CORO7: variants seen among roughly 807,000 people sequenced by gnomAD.
CORO7 encodes the protein coronin-7.
In CORO7, 107 loss-of-function variants were observed where a neutral mutation model predicts 126.6. That is an observed-to-expected ratio of 0.85 (90% confidence interval 0.72 to 0.99). The LOEUF is 0.99. Ranked by LOEUF, CORO7 falls within the 50% of genes least tolerant of loss-of-function variation. CORO7 has a pLI of 0.00. For synonymous variants in CORO7, 603 were observed against 536.8 expected (o/e 1.12, Z -1.70); for missense variants, 1,314 against 1,255.8 (o/e 1.05, Z -0.70).
At chr16:4,407,212 T>G (rs904528788) in intron 5 of CORO7, among the ~76,000 whole-genome samples, 1 of 150,012 alleles carries the variant, frequency 6.7e-6, no homozygotes, top group African/African-American at 2.5e-5. Context: ...CCTCCCAGAG[T>G]GTTGGGATTA....
intron 7 of CORO7, among the ~76,000 whole-genome samples, chr16:4,394,548 C>G (rs1042612854): frequency 3.9e-5 from 6 of 152,250 alleles, no homozygotes; most frequent in Non-Finnish European, 7.3e-5. Context: ...TCAGACAAGC[C>G]CGTCCTCCTT....
chr16:4,383,226 C>G (rs1260540808), intron 9 of CORO7: 1 of 322,294 alleles, frequency 3.1e-6, no homozygotes, highest in African/African-American at 2.1e-5. Context: ...TGGGCTCTCC[C>G]ACTCCAGGCG....
At position 4,361,264 on chromosome 16, in the gene CORO7, AG is replaced by A; in HGVS notation, c.1688-17del. On this transcript the variant is annotated splice_polypyrimidine_tract_variant and intron_variant, in intron 17 of 27. Transcript: ENST00000251166. The stretch of plus-strand genomic sequence containing the variant: ...TCCTCACCAGCTGCAGAGGACAGAC[AG>A]GGGCTCATCATTGCTGAGCCCAAGA... 1 of 1,612,394 alleles carries A rather than the reference AG, an allele frequency of 6.2e-7. No homozygotes were observed. Among genetic ancestry groups the A allele is most frequent in the African/African-American group, 1.3e-5 (1 of 75,056 alleles).
At position 4,364,962 on chromosome 16, in the gene CORO7, G is replaced by A. The variant is rs572826001; in HGVS notation, c.898+41C>T. 5.0e-6 allele frequency: 8 copies of A among 1,605,978 alleles called. No homozygotes were observed. The South Asian group carries it at 8.9e-5, about 18-fold the overall frequency. The stretch of plus-strand genomic sequence containing the variant: ...AGGGGAACAGGCAGGATGGGCAGGG[G>A]AGGGGAGGGTAGGGGATGGGGGCGA... On this transcript the variant is annotated intron_variant, in intron 11 of 27. Transcript: ENST00000251166.
Position 4,386,301 on chromosome 16 carries a change from A to G in CORO7, c.785+1685T>C, listed in dbSNP as rs563346631. On this transcript the variant is annotated intron_variant, in intron 9 of 27. Transcript: ENST00000251166. ...AGTGGCACCGTGAGGTCTGGGCATC[A>G]TTAACTCCTCCAGAGGCCACACTGG... Among the ~76,000 whole-genome samples, 116 of 152,330 alleles carry G rather than the reference A, an allele frequency of 7.6e-4. 1 individual carries two copies. The highest frequency in any genetic ancestry group is 2.7e-3 in the African/African-American group (113 of 41,586).
chr16:4,412,587 TG>T, intron 2 of CORO7, 157 bp from the exon 3 acceptor site: 1 of 712,730 alleles, frequency 1.4e-6, no homozygotes, highest in Non-Finnish European at 2.3e-6. Flanking sequence ...AGCAATGGCC[TG>T]TGGGTAGGTT....
chr16:4,388,617 A>T lies in CORO7; in HGVS notation c.630T>A (p.His210Gln), dbSNP rs765184965. 1.2e-6 allele frequency: 2 copies of T among 1,612,044 alleles called. No individual in the cohort carries two copies. The highest frequency in any genetic ancestry group is 4.5e-5 in the East Asian group (2 of 44,818). The change falls in exon 8 of 28, where the codon CAT becomes CAA. Residue 210 changes from histidine (H) to glutamine (Q), a missense_variant. By Grantham distance (24) the His-to-Gln change is conservative. Coordinates refer to ENST00000251166, the MANE Select transcript of CORO7 (RefSeq NM_024535.5). Reference sequence around the variant, plus strand: ...CCAGCCGGCTATCCCTGCTGTTCTCATGGGCCTGCGTGCTCTGCAGGAGGC... The same window carrying T: ...CCAGCCGGCTATCCCTGCTGTTCTCTTGGGCCTGCGTGCTCTGCAGGAGGC... ...KPRASQSTQA[H>Q]ENSRDSRLAW...
intron 3 of CORO7, among the ~76,000 whole-genome samples, chr16:4,409,283 A>G (rs1393799426): frequency 6.6e-6 from 1 of 152,246 alleles, no homozygotes; most frequent in African/African-American, 2.4e-5. Flanking sequence ...CTGGAATCCC[A>G]GCTGGCAGGA....
chr16:4,375,131 C>T (rs900294781), intron 9 of CORO7, among the ~76,000 whole-genome samples: 3 of 152,214 alleles, frequency 2.0e-5, no homozygotes, highest in Admixed American at 6.5e-5. Context: ...CGTCCCACCG[C>T]CCCAGGGGCT....
In CORO7 at chr16:4,355,024, T is replaced by C; in HGVS notation, c.*134A>G. The stretch of plus-strand genomic sequence containing the variant: ...GCCAGAGGCCCAGAGGATGTGGAAG[T>C]GCCCACGGGAAGGCAGGAGTGCAGG... On this transcript the variant is annotated 3_prime_UTR_variant, in exon 28 of 28. Transcript: ENST00000251166. 1.0e-6 allele frequency: 1 copy of C among 980,818 alleles called. No homozygotes were observed. Among genetic ancestry groups the C allele is most frequent in the Non-Finnish European group, 1.4e-6 (1 of 699,870 alleles). 60.8% of individuals were successfully genotyped at this position (980,818 alleles called of 1,614,324 possible). A position where few individuals can be genotyped will look rare whatever the true frequency, so the allele number is the denominator to read the frequency against.
intron 9 of CORO7, chr16:4,381,330 G>A: frequency 6.2e-7 from 1 of 1,610,356 alleles, no homozygotes; most frequent in Non-Finnish European, 8.5e-7. Context: ...ACCGCCTCCT[G>A]GAGCTCAAGC....
chr16:4,370,591 G>A (rs550321686), intron 9 of CORO7, among the ~76,000 whole-genome samples: 1 of 152,346 alleles, frequency 6.6e-6, no homozygotes, highest in Non-Finnish European at 1.5e-5. Flanking sequence ...CATGTAGACC[G>A]AGAAACGTAT....
rs544742615 is a variant in CORO7, at chr16:4,402,482, A to T, written c.564+3009T>A. On this transcript the variant is annotated intron_variant, in intron 6 of 27. Transcript: ENST00000251166. ...GGCTGATCTTGAACTCCTGGGCTCA[A>T]GTGATCCTCCCACCTCGTCCTCCCA... Among the ~76,000 whole-genome samples, 31 of 151,970 alleles carry T rather than the reference A, an allele frequency of 2.0e-4. No homozygotes were observed. In the South Asian group the frequency reaches 6.2e-3, roughly 31 times the overall value.
Position 4,358,360 on chromosome 16 carries a change from C to A in CORO7, c.2457+7G>T, listed in dbSNP as rs755206366. ...TGGGCATGGGAGTCCCAGGTCCCCA[C>A]CCTCACCCGGACTCGGGGCAGCCGG... On this transcript the variant is annotated splice_region_variant and intron_variant, in intron 24 of 27. Transcript: ENST00000251166. 37 of 1,612,080 alleles carry A rather than the reference C, an allele frequency of 2.3e-5. No individual in the cohort carries two copies. Among genetic ancestry groups the A allele is most frequent in the Non-Finnish European group, 3.1e-5 (36 of 1,179,534 alleles).
chr16:4,382,203 G>A, intron 9 of CORO7: 1 of 1,602,938 alleles, frequency 6.2e-7, no homozygotes. Flanking sequence ...TGTACTGTGA[G>A]AGCCAGATGG....
intron 3 of CORO7, among the ~76,000 whole-genome samples, chr16:4,410,053 C>T (rs1455114784): frequency 6.6e-6 from 1 of 152,146 alleles, no homozygotes; most frequent in Non-Finnish European, 1.5e-5. Context: ...ACTTGAAGAG[C>T]CCTAGTAGCA....
intron 5 of CORO7, among the ~76,000 whole-genome samples, chr16:4,405,800 T>C (rs533835001): frequency 3.3e-4 from 48 of 145,284 alleles, no homozygotes; most frequent in Middle Eastern, 7.0e-3. Flanking sequence ...CTTCCGAGGC[T>C]TCCCGCTCCT....
intron 26 of CORO7, among the ~76,000 whole-genome samples, chr16:4,356,115 G>A (rs985621122): frequency 3.3e-5 from 5 of 152,028 alleles, no homozygotes; most frequent in Admixed American, 6.6e-5. Flanking sequence ...CACCATGCCC[G>A]GCTAATTTTG....
intron 2 of CORO7, 31 bp downstream of exon 2, chr16:4,413,277 G>C: frequency 6.5e-7 from 1 of 1,549,216 alleles, no homozygotes; most frequent in Non-Finnish European, 8.7e-7. Flanking sequence ...GAATATGTGA[G>C]CAAATATCCA....
Sources: allele counts gnomAD v4.1 joint callset (sites outside exome capture counted in the v4.1 genomes callset), GRCh38; gene constraint gnomAD v4.1.1; transcripts MANE v1.5; gene names NCBI Gene and HGNC (gene_info 2026-07-23, HGNC 2026-07-21).